LRBA: variants seen among roughly 807,000 people sequenced by gnomAD.
LRBA encodes the protein LPS responsive beige-like anchor protein.
In LRBA, 176 loss-of-function variants were observed where a neutral mutation model predicts 330.0. That is an observed-to-expected ratio of 0.53 (90% CI 0.47 to 0.60). LRBA has a LOEUF of 0.60. LRBA is among the 20% of genes least tolerant of loss of function. LRBA has a pLI of 0.00. For synonymous variants in LRBA, 1,230 were observed against 1,193.0 expected (o/e 1.03, Z -0.64); for missense variants, 3,259 against 3,444.8 (o/e 0.95, Z 1.35).
chr4:150,596,858 T>A (rs1038196154), intron 38 of LRBA, among the ~76,000 whole-genome samples: 34 of 151,558 alleles, frequency 2.2e-4, no homozygotes, highest in African/African-American at 8.0e-4. Flanking sequence ...TATTCCCTTT[T>A]TATTTAAAAT....
chr4:150,817,719 T>C (rs1368793855), intron 30 of LRBA, among the ~76,000 whole-genome samples: 2 of 151,644 alleles, frequency 1.3e-5, no homozygotes, highest in Admixed American at 1.3e-4. Flanking sequence ...CCCCAAAGAC[T>C]ATATCTTTTG....
rs192064340 is a variant in LRBA, at chr4:150,730,794, G to A, written c.5754+4464C>T. Among the ~76,000 whole-genome samples, 647 of 152,110 alleles carry A rather than the reference G, an allele frequency of 4.3e-3. 4 individuals carry two copies. Among genetic ancestry groups the A allele is most frequent in the African/African-American group, 0.015 (626 of 41,500 alleles). On this transcript the variant is annotated intron_variant, in intron 36 of 56. Transcript: ENST00000651943. ...GCACTTTGGGAGGCTGATGAAGGCAGATCACTTGAGGCCAGGAGTTCAAGA... is the reference window on the plus strand; with the variant it reads ...GCACTTTGGGAGGCTGATGAAGGCAAATCACTTGAGGCCAGGAGTTCAAGA...
intron 40 of LRBA, chr4:150,584,747 AT>A (rs1210593253): frequency 6.0e-6 from 1 of 165,500 alleles, no homozygotes; most frequent in Non-Finnish European, 1.5e-5. Flanking sequence ...ACAGTTTATA[AT>A]TTCCAATGTA....
At chr4:150,712,610 C>A (rs1245221090) in intron 36 of LRBA, among the ~76,000 whole-genome samples, 2 of 152,086 alleles carry the variant, frequency 1.3e-5, no homozygotes, top group African/African-American at 4.8e-5. Flanking sequence ...CACCTGACAA[C>A]CAAATTTCAC....
intron 47 of LRBA, among the ~76,000 whole-genome samples, chr4:150,402,769 A>G (rs997154969): frequency 6.6e-6 from 1 of 151,986 alleles, no homozygotes; most frequent in African/African-American, 2.4e-5. Flanking sequence ...ATTCTAAAAT[A>G]TAGAATTATC....
intron 40 of LRBA, among the ~76,000 whole-genome samples, chr4:150,578,744 G>T (rs1770850557): frequency 6.6e-6 from 1 of 152,174 alleles, no homozygotes; most frequent in African/African-American, 2.4e-5. Context: ...TGTTCCTAAT[G>T]TAATGATGCA....
chr4:150,290,187 C>T (rs921584099), intron 53 of LRBA, among the ~76,000 whole-genome samples: 1 of 152,118 alleles, frequency 6.6e-6, no homozygotes, highest in Non-Finnish European at 1.5e-5. Context: ...ACTTGTCAGC[C>T]CACATAGTTA....
chr4:150,362,398 CT>C (rs1218149553), intron 47 of LRBA, among the ~76,000 whole-genome samples: 1 of 152,138 alleles, frequency 6.6e-6, no homozygotes, highest in Non-Finnish European at 1.5e-5. Context: ...GTTTCTTTAT[CT>C]CTAAAATTTC....
At chr4:150,809,744 A>G (rs1743335790) in intron 31 of LRBA, among the ~76,000 whole-genome samples, 2 of 152,130 alleles carry the variant, frequency 1.3e-5, no homozygotes, top group African/African-American at 4.8e-5. Context: ...GGTCCCAGCT[A>G]GGTCCCAGCT....
At position 150,684,504 on chromosome 4, in the gene LRBA, GA is replaced by G. The variant is rs1231529617; in HGVS notation, c.5755-788del. Among the ~76,000 whole-genome samples the G allele has an allele frequency of 3.3e-5, 5 of 152,208 alleles. No individual in the cohort carries two copies. In the East Asian group the frequency reaches 9.7e-4, roughly 29 times the overall value. On this transcript the variant is annotated intron_variant, in intron 36 of 56. Transcript: ENST00000651943. ...AGGCAATTTATATACATCAAAGTCTGAAAAGTACTGTCTTAGATATCATCAA... is the reference window on the plus strand; with the variant it reads ...AGGCAATTTATATACATCAAAGTCTGAAAGTACTGTCTTAGATATCATCAA...
intron 44 of LRBA, among the ~76,000 whole-genome samples, chr4:150,443,685 C>A (rs555066970): frequency 6.6e-6 from 1 of 151,514 alleles, no homozygotes; most frequent in Non-Finnish European, 1.5e-5. Flanking sequence ...CATCACACAC[C>A]GGCACCTGTT....
intron 42 of LRBA, among the ~76,000 whole-genome samples, chr4:150,484,190 TATA>T (rs1007577653): frequency 6.6e-6 from 1 of 152,050 alleles, no homozygotes; most frequent in Non-Finnish European, 1.5e-5. Context: ...GCTGGTCTCA[TATA>T]ATGTTTTTGG....
chr4:150,530,854 T>C (rs80052422), intron 40 of LRBA, among the ~76,000 whole-genome samples: 5,229 of 152,284 alleles, frequency 0.034, 177 homozygotes, highest in Non-Finnish European at 0.046. Context: ...TAAACCCTTA[T>C]AATGATAATG....
intron 32 of LRBA, among the ~76,000 whole-genome samples, chr4:150,807,329 T>C (rs938066215): frequency 1.3e-5 from 2 of 152,168 alleles, no homozygotes; most frequent in Non-Finnish European, 1.5e-5. Context: ...GGCACTGCTC[T>C]AAATACTATT....
At chr4:150,953,362 TCCCTCC>T (rs923258741) in intron 2 of LRBA, among the ~76,000 whole-genome samples, 24 of 127,728 alleles carry the variant, frequency 1.9e-4, no homozygotes, top group African/African-American at 3.0e-4. Context: ...TCTCCCTCTC[TCCCTCC>T]CCCTCCCCCT....
chr4:150,508,425 A>G (rs1309383457), intron 40 of LRBA, among the ~76,000 whole-genome samples: 1 of 151,806 alleles, frequency 6.6e-6, no homozygotes, highest in Non-Finnish European at 1.5e-5. Context: ...TGGGACTAGG[A>G]CTACAGGTGC....
intron 40 of LRBA, among the ~76,000 whole-genome samples, chr4:150,551,538 G>A (rs746468670): frequency 1.3e-5 from 2 of 150,304 alleles, no homozygotes; most frequent in African/African-American, 2.5e-5. Flanking sequence ...AATTAGCCAG[G>A]AGTGGTGGAA....
chr4:150,775,014 T>C (rs2126551981), intron 34 of LRBA, among the ~76,000 whole-genome samples: 1 of 152,294 alleles, frequency 6.6e-6, no homozygotes, highest in Admixed American at 6.5e-5. Context: ...TTCTGCTTGC[T>C]GCTTTGACTC....
rs1371929692 is a variant in LRBA, at chr4:150,814,704, G to A, written c.5305+2420C>T. 2.0e-5 allele frequency among the ~76,000 whole-genome samples: 3 copies of A among 151,730 alleles called. No homozygotes were observed. The South Asian group carries it at 6.2e-4, about 32-fold the overall frequency. ...TAGCTCAAGATGGAAAAAAAAATTGGTAACTATTTGAGAAACTCCATCACA... is the reference window on the plus strand; with the variant it reads ...TAGCTCAAGATGGAAAAAAAAATTGATAACTATTTGAGAAACTCCATCACA... On this transcript the variant is annotated intron_variant, in intron 31 of 56. Coordinates refer to ENST00000651943, the MANE Select transcript of LRBA (RefSeq NM_001364905.1).
Sources: allele counts gnomAD v4.1 joint callset (sites outside exome capture counted in the v4.1 genomes callset), GRCh38; gene constraint gnomAD v4.1.1; transcripts MANE v1.5; gene names NCBI Gene and HGNC (gene_info 2026-07-23, HGNC 2026-07-21).